Variants in AAK1 observed in about 807,000 individuals in gnomAD.
AAK1 encodes the protein AP2-associated protein kinase 1.
A neutral mutation model predicts 116.0 loss-of-function variants in AAK1; 37 were observed. That is an observed-to-expected ratio of 0.32 (90% CI 0.25 to 0.42). The LOEUF (loss-of-function observed/expected upper bound fraction) is 0.42. AAK1 is among the 10% of genes least tolerant of loss of function. The pLI, the probability that AAK1 is intolerant of heterozygous loss-of-function variation, is 1.00. For missense variants in AAK1, 919 were observed against 1,170.6 expected (o/e 0.79, Z 3.14); for synonymous variants, 458 against 439.9 (o/e 1.04, Z -0.51).
rs376154940 is a variant in AAK1, at chr2:69,465,236, ATAACT to A, written c.*10628_*10632del. ...AACAAACAAACAAACAAAAATGAAC[ATAACT>A]TAAAGGGGCTTCAACTAAATATCAC... On this transcript the variant is annotated 3_prime_UTR_variant, in exon 22 of 22. Transcript: ENST00000409085. The A allele has an allele frequency of 2.5e-6, 1 of 405,522 alleles. No homozygotes were observed. Among genetic ancestry groups the A allele is most frequent in the Admixed American group, 4.5e-5 (1 of 22,232 alleles). The allele number at this position is 405,522 out of a possible 1,614,324, so 25.1% of individuals were successfully genotyped here. A position where few individuals can be genotyped will look rare whatever the true frequency, so the allele number is the denominator to read the frequency against.
At chr2:69,493,312 C>T (rs548814984) in intron 17 of AAK1, among the ~76,000 whole-genome samples, 2 of 152,024 alleles carry the variant, frequency 1.3e-5, no homozygotes, top group South Asian at 2.1e-4. Context: ...CGTGAAAGGA[C>T]GGGGCTAAAC....
At chr2:69,578,554 T>C (rs967483488) in intron 2 of AAK1, among the ~76,000 whole-genome samples, 1 of 151,948 alleles carries the variant, frequency 6.6e-6, no homozygotes, top group African/African-American at 2.4e-5. Context: ...GAGCCACCAT[T>C]CCTCCCTTTC....
intron 14 of AAK1, among the ~76,000 whole-genome samples, chr2:69,508,692 A>G (rs1255099419): frequency 6.6e-6 from 1 of 152,250 alleles, no homozygotes; most frequent in East Asian, 1.9e-4. Context: ...GGAAAAGTCA[A>G]CCTCTGACAT....
rs1006563388 is a variant in AAK1, at chr2:69,486,931, T to C, written c.2366-4119A>G. Among the ~76,000 whole-genome samples the C allele has an allele frequency of 4.6e-5, 7 of 152,146 alleles. 1 individual carries two copies. Among genetic ancestry groups the C allele is most frequent in the Admixed American group, 3.3e-4 (5 of 15,282 alleles). ...ACAACGGTAATGTTATCAGACAGGT[T>C]AGCATTGGAAAGAACCTCATATCTT... is the stretch of plus-strand genomic sequence containing the variant. On this transcript the variant is annotated intron_variant, in intron 17 of 21. Transcript: ENST00000409085.
chr2:69,619,188 G>A (rs770084793), intron 2 of AAK1, among the ~76,000 whole-genome samples: 1 of 152,050 alleles, frequency 6.6e-6, no homozygotes, highest in Non-Finnish European at 1.5e-5. Flanking sequence ...CTTGTCCTTG[G>A]TTAGCTCCCT....
At chr2:69,478,226 T>G (rs983265457) in intron 20 of AAK1, among the ~76,000 whole-genome samples, 1 of 152,252 alleles carries the variant, frequency 6.6e-6, no homozygotes, top group African/African-American at 2.4e-5. Context: ...TCAGATATGA[T>G]AAAACCATTT....
intron 2 of AAK1, among the ~76,000 whole-genome samples, chr2:69,586,213 A>G (rs34743816): frequency 6.6e-6 from 1 of 152,230 alleles, no homozygotes; most frequent in African/African-American, 2.4e-5. Context: ...CAGCTTTTTC[A>G]GGCCTTTTCC....
At chr2:69,635,744 T>TA (rs1295428207) in intron 2 of AAK1, among the ~76,000 whole-genome samples, 1 of 152,134 alleles carries the variant, frequency 6.6e-6, no homozygotes, top group African/African-American at 2.4e-5. Context: ...GTAAAAATCA[T>TA]AGAGACAGTA....
intron 16 of AAK1, among the ~76,000 whole-genome samples, chr2:69,502,488 G>C (rs1676015343): frequency 6.6e-6 from 1 of 152,120 alleles, no homozygotes; most frequent in South Asian, 2.1e-4. Context: ...TGGTGTGGTG[G>C]TGCATGCTTG....
At chr2:69,619,836 G>A (rs570066801) in intron 2 of AAK1, among the ~76,000 whole-genome samples, 96 of 152,310 alleles carry the variant, frequency 6.3e-4, no homozygotes, top group Non-Finnish European at 1.1e-3. Flanking sequence ...ACCACAGGAA[G>A]GAAGCCAGTA....
chr2:69,477,548 G>A (rs941999791), intron 20 of AAK1, among the ~76,000 whole-genome samples: 5 of 152,114 alleles, frequency 3.3e-5, no homozygotes, highest in Admixed American at 2.0e-4. Flanking sequence ...AAGATCACAC[G>A]CACTGAGGCC....
intron 2 of AAK1, among the ~76,000 whole-genome samples, chr2:69,589,206 T>C (rs1395661493): frequency 6.6e-6 from 1 of 152,138 alleles, no homozygotes; most frequent in South Asian, 2.1e-4. Context: ...TACGTGGAGA[T>C]AGTTCAAAGT....
chr2:69,643,586 C>A lies in AAK1; in HGVS notation c.-246G>T. On this transcript the variant is annotated 5_prime_UTR_variant, in exon 1 of 22. Coordinates refer to ENST00000409085, the MANE Select transcript of AAK1 (RefSeq NM_014911.5). ...CTGGCAGCACCCACTTGAGACGGCT[C>A]GGCGGCCGGCGCCCTGCTACCAGCC... The A allele has an allele frequency of 8.1e-7, 1 of 1,228,612 alleles. No individual in the cohort carries two copies. Among genetic ancestry groups the A allele is most frequent in the East Asian group, 3.2e-5 (1 of 31,558 alleles). 76.1% of individuals were successfully genotyped at this position (1,228,612 alleles called of 1,614,324 possible).
Position 69,469,826 on chromosome 2 carries a change from G to C in AAK1, c.*6043C>G, listed in dbSNP as rs1558886088. On this transcript the variant is annotated 3_prime_UTR_variant, in exon 22 of 22. Transcript: ENST00000409085. ...GCTCTGATGTAGGACTGTGTGCCAG[G>C]TTAGGCACGTTGACACTTTCAATAT... is the stretch of plus-strand genomic sequence containing the variant. The C allele has an allele frequency of 1.0e-6, 1 of 985,400 alleles. No individual in the cohort carries two copies. The highest frequency in any genetic ancestry group is 1.2e-6 in the Non-Finnish European group (1 of 829,926). 61.0% of individuals were successfully genotyped at this position (985,400 alleles called of 1,614,324 possible).
intron 17 of AAK1, among the ~76,000 whole-genome samples, chr2:69,493,841 G>A (rs1675636126): frequency 6.6e-6 from 1 of 152,172 alleles, no homozygotes; most frequent in African/African-American, 2.4e-5. Flanking sequence ...GGCTTTCCAA[G>A]CTGAGCACCA....
At position 69,466,018 on chromosome 2, in the gene AAK1, G is replaced by C; in HGVS notation, c.*9851C>G. 1 of 1,290,856 alleles carries C rather than the reference G, an allele frequency of 7.7e-7. No homozygotes were observed. Among genetic ancestry groups the C allele is most frequent in the African/African-American group, 1.5e-5 (1 of 65,928 alleles). The allele number at this position is 1,290,856 out of a possible 1,614,324, so 80.0% of individuals were successfully genotyped here. On this transcript the variant is annotated 3_prime_UTR_variant, in exon 22 of 22. Transcript: ENST00000409085. ...CTCAAAAACACGTCTGACTCCTCTGGCTGGGAAGGAGCCATACTGCTCTTG... is the reference window on the plus strand; with the variant it reads ...CTCAAAAACACGTCTGACTCCTCTGCCTGGGAAGGAGCCATACTGCTCTTG...
At chr2:69,559,498 A>C (rs1671541389) in intron 2 of AAK1, among the ~76,000 whole-genome samples, 1 of 152,190 alleles carries the variant, frequency 6.6e-6, no homozygotes, top group Admixed American at 6.5e-5. Context: ...AAATTACAAA[A>C]TTTCTATGTA....
intron 2 of AAK1, among the ~76,000 whole-genome samples, chr2:69,563,857 T>C (rs1039659591): frequency 2.0e-5 from 3 of 152,202 alleles, no homozygotes; most frequent in Non-Finnish European, 4.4e-5. Context: ...ACTGAACAAG[T>C]TGCTGGATCT....
intron 17 of AAK1, among the ~76,000 whole-genome samples, chr2:69,492,515 A>ATTTTTTTT (rs1231383010): frequency 2.5e-5 from 2 of 78,836 alleles, no homozygotes; most frequent in African/African-American, 1.2e-4. Context: ...TGCCTGGCCA[A>ATTTTTTTT]TTCTTTTTTT....
Sources: allele counts gnomAD v4.1 joint callset (sites outside exome capture counted in the v4.1 genomes callset), GRCh38; gene constraint gnomAD v4.1.1; transcripts MANE v1.5; gene names NCBI Gene and HGNC (gene_info 2026-07-23, HGNC 2026-07-21).